Variants in SPATA7 observed in about 807,000 individuals in gnomAD.
SPATA7 encodes spermatogenesis associated 7, also known as spermatogenesis-associated protein 7.
A neutral mutation model predicts 51.8 loss-of-function variants in SPATA7; 43 were observed. The ratio of observed to expected loss-of-function variants is 0.83; its 90% CI spans 0.65 to 1.07. SPATA7 has a LOEUF of 1.07. Among genes scored for constraint, SPATA7 ranks in the 50% least tolerant of loss-of-function variants. SPATA7 has a pLI of 0.00. For synonymous variants in SPATA7, 230 were observed against 252.8 expected (o/e 0.91, Z 0.86); for missense variants, 683 against 701.3 (o/e 0.97, Z 0.30).
rs2077434595 is a variant in SPATA7, at chr14:88,469,969, C to T, written c.*102C>T. ...ATAATTGCAATTCCCTGTTCCCATACCATCTGCCAAAAATCTTGACAGGTA... is the reference window on the plus strand; with the variant it reads ...ATAATTGCAATTCCCTGTTCCCATATCATCTGCCAAAAATCTTGACAGGTA... On this transcript the variant is annotated 3_prime_UTR_variant, in exon 5 of 5. Transcript: ENST00000556406. This position sits in a 1 kb window ranked among gnomAD's most constrained non-coding sequence, Gnocchi z 4.3. The T allele has an allele frequency of 1.9e-6, 3 of 1,614,100 alleles. No homozygotes were observed. The East Asian group carries it at 6.7e-5, about 36-fold the overall frequency.
intron 9 of SPATA7, 179 bp from the exon 10 acceptor site, chr14:88,432,955 TC>T (rs1236165545): frequency 1.7e-6 from 1 of 582,734 alleles, no homozygotes; most frequent in East Asian, 2.9e-5. Context: ...TAAATATTTA[TC>T]CTTGCATAAT....
At chr14:88,446,337 T>C (rs1056581409) in intron 3 of SPATA7, among the ~76,000 whole-genome samples, 1 of 152,242 alleles carries the variant, frequency 6.6e-6, no homozygotes, top group African/African-American at 2.4e-5. Context: ...ATATCCCCTT[T>C]ATCATTTTTT....
chr14:88,405,773 A>C (rs899038643), intron 4 of SPATA7, among the ~76,000 whole-genome samples: 1 of 152,238 alleles, frequency 6.6e-6, no homozygotes, highest in Non-Finnish European at 1.5e-5. Context: ...GGCAACCCTT[A>C]GGAGGCAGTT....
In SPATA7 at chr14:88,469,092, G is replaced by A; in HGVS notation, c.255-755G>A. ...TCAAGATATGCTGTGGAAAATCAAT[G>A]AAATAGAAAAGTACTCAAGGATCAA... On this transcript the variant is annotated intron_variant, in intron 4 of 4. Transcript: ENST00000556406. The surrounding 1 kb of genome is among the most constrained non-coding windows in gnomAD (Gnocchi z 4.3). 1.2e-6 allele frequency: 2 copies of A among 1,601,592 alleles called. No individual in the cohort carries two copies. The highest frequency in any genetic ancestry group is 2.2e-5 in the South Asian group (2 of 90,262).
At position 88,445,799 on chromosome 14, in the gene SPATA7, C is replaced by T. The variant is rs944614455; in HGVS notation, c.177+7896C>T. On this transcript the variant is annotated intron_variant, in intron 3 of 3. Coordinates refer to the SPATA7 transcript ENST00000554802. ...ATGCTGGATTACCTTTATTGATTTGCGTATATTGAACCAGCCTTGCATCCC... is the reference window on the plus strand; with the variant it reads ...ATGCTGGATTACCTTTATTGATTTGTGTATATTGAACCAGCCTTGCATCCC... 5.7e-4 allele frequency among the ~76,000 whole-genome samples: 87 copies of T among 152,168 alleles called. 1 individual carries two copies. In the East Asian group the frequency reaches 0.014, roughly 24 times the overall value.
At chr14:88,448,437 C>T (rs922542788) in intron 3 of SPATA7, among the ~76,000 whole-genome samples, 12 of 152,166 alleles carry the variant, frequency 7.9e-5, no homozygotes, top group Non-Finnish European at 1.5e-4. Context: ...TGAATGTCCT[C>T]CCGTAGCTCG....
downstream of SPATA7, among the ~76,000 whole-genome samples, chr14:88,458,635 G>T (rs2077299642): frequency 6.6e-6 from 1 of 151,646 alleles, no homozygotes; most frequent in African/African-American, 2.4e-5. Flanking sequence ...TATTAGTCTT[G>T]CTAGCAGTCT....
At chr14:88,396,500 G>A (rs2075883438) in intron 4 of SPATA7, among the ~76,000 whole-genome samples, 1 of 152,004 alleles carries the variant, frequency 6.6e-6, no homozygotes, top group Admixed American at 6.6e-5. Flanking sequence ...ATCTATTTTA[G>A]GTACCTTATA....
chr14:88,450,677 A>T (rs1053172595), intron 3 of SPATA7, among the ~76,000 whole-genome samples: 19 of 152,162 alleles, frequency 1.2e-4, no homozygotes, highest in African/African-American at 4.6e-4. Flanking sequence ...TATTAATCTG[A>T]TAGGTTATCT....
Position 88,426,641 on chromosome 14 carries a change from C to G in SPATA7, c.782C>G (p.Pro261Arg). ...CTGTCACAGTATCGCTATTATACAC[C>G]TGCCAAAAGAAAAAAGGATTTTACA... ...SFLSQYRYYT[P>R]AKRKKDFTDQ... The change falls in exon 6 of 12, where the codon CCT becomes CGT. Residue 261 changes from proline (P) to arginine (R), a missense_variant. Transcript: ENST00000393545. The G allele has an allele frequency of 1.9e-6, 3 of 1,613,932 alleles. No homozygotes were observed. Among genetic ancestry groups the G allele is most frequent in the Non-Finnish European group, 2.5e-6 (3 of 1,180,012 alleles).
At chr14:88,444,895 G>A (rs2077201254) in intron 3 of SPATA7, among the ~76,000 whole-genome samples, 1 of 152,188 alleles carries the variant, frequency 6.6e-6, no homozygotes, top group African/African-American at 2.4e-5. Context: ...TAGCCTTGTA[G>A]TATAGTATGA....
At chr14:88,400,573 C>G (rs1277906033) in intron 4 of SPATA7, among the ~76,000 whole-genome samples, 1 of 152,182 alleles carries the variant, frequency 6.6e-6, no homozygotes, top group East Asian at 1.9e-4. Flanking sequence ...GTGGCTCATG[C>G]CTGTAATCCC....
intron 5 of SPATA7, among the ~76,000 whole-genome samples, chr14:88,418,833 T>A (rs890635895): frequency 7.9e-5 from 12 of 152,218 alleles, no homozygotes; most frequent in African/African-American, 2.9e-4. Flanking sequence ...TATTTCTTAA[T>A]CTCTGTATCT....
chr14:88,470,338 C>T (rs191510207), exon 5 of SPATA7: 15 of 387,468 alleles, frequency 3.9e-5, no homozygotes, highest in Non-Finnish European at 9.4e-6. Context: ...AATAAAGATA[C>T]TGCCTACCGT....
At chr14:88,426,150 A>G (rs2076784113) in intron 5 of SPATA7, 82 bp from the exon 6 acceptor site, 2 of 1,006,910 alleles carry the variant, frequency 2.0e-6, no homozygotes, top group Admixed American at 4.0e-5. Context: ...TGAGGCTATC[A>G]TTTTTTTAAT....
rs373591853 is a variant in SPATA7, at chr14:88,385,786, C to T, written c.-33C>T. On this transcript the variant is annotated 5_prime_UTR_variant, in exon 1 of 12. Coordinates refer to ENST00000393545, the MANE Select transcript of SPATA7 (RefSeq NM_018418.5). ...GCGGGAAGGACCGAAGGGGATACAG[C>T]GTGTCCCTGCGGCGGCTGCAAGAGG... 14 of 1,587,604 alleles carry T rather than the reference C, an allele frequency of 8.8e-6. No individual in the cohort carries two copies. The highest frequency in any genetic ancestry group is 1.1e-5 in the Non-Finnish European group (13 of 1,161,824).
intron 4 of SPATA7, among the ~76,000 whole-genome samples, chr14:88,460,284 G>T (rs1277164176): frequency 6.6e-6 from 1 of 152,084 alleles, no homozygotes; most frequent in Non-Finnish European, 1.5e-5. Context: ...AGTTCTCCTG[G>T]ATAATATCCT....
intron 4 of SPATA7, among the ~76,000 whole-genome samples, chr14:88,462,244 A>G (rs894293063): frequency 1.3e-5 from 2 of 152,200 alleles, no homozygotes; most frequent in Non-Finnish European, 2.9e-5. Flanking sequence ...TAATATCTGT[A>G]TCTTATGAAA....
chr14:88,469,043 TG>T lies in SPATA7; in HGVS notation c.255-802del. 6.2e-7 allele frequency: 1 copy of T among 1,614,164 alleles called. No homozygotes were observed. Among genetic ancestry groups the T allele is most frequent in the Non-Finnish European group, 8.5e-7 (1 of 1,180,010 alleles). On this transcript the variant is annotated intron_variant, in intron 4 of 4. Coordinates refer to the SPATA7 transcript ENST00000556406. This position sits in a 1 kb window ranked among gnomAD's most constrained non-coding sequence, Gnocchi z 4.3. ...TTGGGGATCACTTGTGCTATTTGTATGGCGTCGAACAGACTGGATCTCTTCA... is the reference window on the plus strand; with the variant it reads ...TTGGGGATCACTTGTGCTATTTGTATGCGTCGAACAGACTGGATCTCTTCA...
Sources: allele counts gnomAD v4.1 joint callset (sites outside exome capture counted in the v4.1 genomes callset), GRCh38; gene constraint gnomAD v4.1.1; non-coding constraint Gnocchi (gnomAD v3.1); transcripts MANE v1.5; gene names NCBI Gene and HGNC (gene_info 2026-07-23, HGNC 2026-07-21).